The following UTP4 variants were observed in gnomAD, a reference collection of about 807,000 sequenced individuals.
UTP4 encodes U3 small nucleolar RNA-associated protein 4 homolog.
Under a neutral mutation model 82.4 loss-of-function variants are expected in UTP4, and 45 were observed. The observed-to-expected ratio is 0.55, with a 90% CI of 0.43 to 0.70. The LOEUF (loss-of-function observed/expected upper bound fraction) is 0.70, where lower values mean the gene tolerates loss of function less well. UTP4 is among the 30% of genes least tolerant of loss of function. UTP4 has a pLI of 0.00. For synonymous variants in UTP4, 348 were observed against 300.3 expected (o/e 1.16, Z -1.64); for missense variants, 819 against 858.3 (o/e 0.95, Z 0.57).
intron 8 of UTP4, among the ~76,000 whole-genome samples, chr16:69,151,488 A>AT (rs2152280516): frequency 6.6e-6 from 1 of 150,820 alleles, no homozygotes; most frequent in East Asian, 2.0e-4. Flanking sequence ...CGCCCGGCTA[A>AT]TTTTTTTATT....
intron 12 of UTP4, 71 bp from the exon 13 acceptor site, chr16:69,160,285 C>T: frequency 8.4e-7 from 1 of 1,193,490 alleles, no homozygotes; most frequent in East Asian, 2.3e-5. Flanking sequence ...TGGCTTTTGC[C>T]ATCATCTCCA....
At chr16:69,163,784 A>G (rs1963625646) in intron 14 of UTP4, among the ~76,000 whole-genome samples, 1 of 151,992 alleles carries the variant, frequency 6.6e-6, no homozygotes, top group East Asian at 1.9e-4. Flanking sequence ...AGATGTTAAT[A>G]TCTACCTCAC....
intron 13 of UTP4, among the ~76,000 whole-genome samples, chr16:69,162,729 A>G (rs1963595435): frequency 6.6e-6 from 1 of 151,250 alleles, no homozygotes; most frequent in African/African-American, 2.4e-5. Flanking sequence ...AAAAAAAAGA[A>G]AAACAAAAAA....
intron 6 of UTP4, among the ~76,000 whole-genome samples, chr16:69,144,148 A>C (rs1387262891): frequency 6.6e-6 from 1 of 151,820 alleles, no homozygotes; most frequent in Non-Finnish European, 1.5e-5. Context: ...TCGGCCTCCC[A>C]AAGTGCTGGG....
chr16:69,160,558 A>C, intron 13 of UTP4, 96 bp downstream of exon 13: 1 of 871,986 alleles, frequency 1.1e-6, no homozygotes, highest in African/African-American at 1.7e-5. Flanking sequence ...CATGACCTGG[A>C]AATTTATTAG....
rs762913379 is a variant in UTP4, at chr16:69,153,077, C to T, written c.1003-507C>T. On this transcript the variant is annotated intron_variant, in intron 8 of 16. Transcript: ENST00000314423. ...CCCTTCAGCTTCTTTTTGCACCTCT[C>T]GTGCTTGTAGCACCCCCACCCAGGC... Among the ~76,000 whole-genome samples, 60 of 152,166 alleles carry T rather than the reference C, an allele frequency of 3.9e-4. 1 individual carries two copies. The highest frequency in any genetic ancestry group is 1.3e-3 in the African/African-American group (54 of 41,434).
At position 69,157,086 on chromosome 16, in the gene UTP4, T is replaced by A. The variant is rs753034357; in HGVS notation, c.1290T>A (p.Val430=). The part of the protein sequence containing the change: ...YEHDNISLKR[V]SKMPAFLRSA... Reference sequence around the variant, plus strand: ...TTTTATTATTGGTTCACCCAAAGGTTTCCAAAATGCCAGCATTCCTTCGCT... The same window carrying A: ...TTTTATTATTGGTTCACCCAAAGGTATCCAAAATGCCAGCATTCCTTCGCT... The change falls in exon 12 of 17, where the codon GTT becomes GTA. Residue 430 remains valine (V), a splice_region_variant and synonymous_variant. Coordinates refer to ENST00000314423, the MANE Select transcript of UTP4 (RefSeq NM_032830.3). 6.2e-7 allele frequency: 1 copy of A among 1,614,206 alleles called. No homozygotes were observed. Among genetic ancestry groups the A allele is most frequent in the Non-Finnish European group, 8.5e-7 (1 of 1,180,026 alleles).
intron 11 of UTP4, among the ~76,000 whole-genome samples, 164 bp downstream of exon 11, chr16:69,156,157 T>TC (rs1431844897): frequency 2.7e-5 from 4 of 149,336 alleles, no homozygotes; most frequent in Non-Finnish European, 6.0e-5. Flanking sequence ...TTTCTTTCTT[T>TC]TTTTTTTTTT....
chr16:69,153,713 A>G (rs887520741), intron 9 of UTP4, 33 bp downstream of exon 9: 1 of 1,409,536 alleles, frequency 7.1e-7, no homozygotes, highest in Non-Finnish European at 1.0e-6. Flanking sequence ...TCAATAAGAA[A>G]ACTGGAGAGA....
chr16:69,155,939 T>A lies in UTP4; in HGVS notation c.1233T>A (p.Ser411=), dbSNP rs750969070. The change falls in exon 11 of 17, where the codon TCT becomes TCA. Residue 411 remains serine, a synonymous_variant. Transcript: ENST00000314423. ...CGSWIAYSTV[S]RFFLYRLNYE... Reference sequence around the variant, plus strand: ...GTTGGATAGCCTATTCTACAGTTTCTCGGTTTTTTCTCTATCGGCTGAATT... The same window carrying A: ...GTTGGATAGCCTATTCTACAGTTTCACGGTTTTTTCTCTATCGGCTGAATT... 7 of 1,614,138 alleles carry A rather than the reference T, an allele frequency of 4.3e-6. No individual in the cohort carries two copies. The highest frequency in any genetic ancestry group is 4.2e-6 in the Non-Finnish European group (5 of 1,179,990).
intron 14 of UTP4, 138 bp downstream of exon 14, chr16:69,163,316 C>T (rs1014226014): frequency 2.7e-6 from 2 of 730,796 alleles, no homozygotes; most frequent in Non-Finnish European, 4.9e-6. Context: ...TGAAGTAAAG[C>T]TTCCTTGCCG....
chr16:69,153,809 C>G (rs907760026), intron 9 of UTP4, 129 bp downstream of exon 9: 2 of 721,514 alleles, frequency 2.8e-6, no homozygotes, highest in African/African-American at 1.8e-5. Context: ...TAATGGTTTT[C>G]CCACCCATTA....
At chr16:69,165,993 T>C (rs190011913) in intron 15 of UTP4, 50 of 261,388 alleles carry the variant, frequency 1.9e-4, no homozygotes, top group Non-Finnish European at 3.5e-4. Context: ...TAAAACGCTG[T>C]CTGCAGGCTT....
chr16:69,143,059 C>T lies in UTP4; in HGVS notation c.527-119C>T, dbSNP rs553643359. 38 of 990,900 alleles carry T rather than the reference C, an allele frequency of 3.8e-5. 1 individual carries two copies. The highest frequency in any genetic ancestry group is 1.4e-4 in the East Asian group (6 of 41,914). 61.4% of individuals were successfully genotyped at this position (990,900 alleles called of 1,614,324 possible). On this transcript the variant is annotated intron_variant, in intron 5 of 16. Transcript: ENST00000314423. ...GTTTCGTAGAGATGAGGTCTCACTT[C>T]GTTGCCTAGGCTGGCCTTAAACTCC...
chr16:69,149,543 T>A (rs1262557829), intron 6 of UTP4, among the ~76,000 whole-genome samples: 5 of 151,510 alleles, frequency 3.3e-5, no homozygotes, highest in African/African-American at 1.2e-4. Context: ...AGAGCGAAAC[T>A]CCGTCTCAAA....
At chr16:69,165,568 T>G in intron 15 of UTP4, 42 bp downstream of exon 15, 1 of 1,548,842 alleles carries the variant, frequency 6.5e-7, no homozygotes, top group Non-Finnish European at 8.9e-7. Flanking sequence ...CTTCTGAATC[T>G]TAAAGTTCTA....
intron 8 of UTP4, among the ~76,000 whole-genome samples, chr16:69,153,261 T>C (rs975935841): frequency 1.9e-4 from 29 of 152,334 alleles, no homozygotes; most frequent in Admixed American, 1.8e-3. Flanking sequence ...ACCACACAGC[T>C]AGGTTAGATG....
At chr16:69,133,969 T>C (rs1962734064) in intron 2 of UTP4, among the ~76,000 whole-genome samples, 1 of 152,202 alleles carries the variant, frequency 6.6e-6, no homozygotes, top group Non-Finnish European at 1.5e-5. Flanking sequence ...ATCAGTACTG[T>C]TTCATTGTCA....
chr16:69,154,256 C>T, intron 9 of UTP4, 137 bp from the exon 10 acceptor site: 3 of 692,542 alleles, frequency 4.3e-6, no homozygotes, highest in Non-Finnish European at 7.7e-6. Context: ...AAATTGTGAG[C>T]TTACTCAGTG....
Sources: gnomAD v4.1 joint callset for allele counts (sites outside exome capture counted in the v4.1 genomes callset) on GRCh38, gnomAD v4.1.1 for gene constraint, MANE v1.5 for transcripts, NCBI Gene and HGNC (gene_info 2026-07-23, HGNC 2026-07-21) for gene names.